Variants in CTNNA3 observed in about 807,000 individuals in gnomAD.
CTNNA3 encodes the protein catenin alpha-3.
CTNNA3 carries 76 observed loss-of-function variants against 95.7 expected under a neutral mutation model. The ratio of observed to expected loss-of-function variants is 0.79; its 90% confidence interval spans 0.66 to 0.96. The LOEUF is 0.96. CTNNA3 is among the 40% of genes least tolerant of loss of function. The probability of loss-of-function intolerance (pLI) is 0.00; values close to 1 mark genes in which losing one functional copy is unlikely to be tolerated. For synonymous variants in CTNNA3, 431 were observed against 374.4 expected (o/e 1.15, Z -1.74); for missense variants, 1,191 against 1,089.8 (o/e 1.09, Z -1.31).
chr10:66,736,438 C>T (rs1849144935), intron 9 of CTNNA3, among the ~76,000 whole-genome samples: 1 of 151,834 alleles, frequency 6.6e-6, no homozygotes, highest in African/African-American at 2.4e-5. Context: ...GGCAATCTGC[C>T]TGCCTCGGCC....
At position 67,559,557 on chromosome 10, in the gene CTNNA3, A is replaced by G. The variant is rs572449758; in HGVS notation, c.293-19888T>C. ...GATGGGGAAAAAACAGAGCAGAAAA[A>G]CTGGAAACTCTAAAAAGCACAGTGC... On this transcript the variant is annotated intron_variant, in intron 3 of 17. Coordinates refer to ENST00000433211, the MANE Select transcript of CTNNA3 (RefSeq NM_013266.4). Among the ~76,000 whole-genome samples, 5 of 152,230 alleles carry G rather than the reference A, an allele frequency of 3.3e-5. No individual in the cohort carries two copies. In the South Asian group the frequency reaches 8.3e-4, roughly 25 times the overall value.
intron 8 of CTNNA3, among the ~76,000 whole-genome samples, chr10:66,771,067 T>G (rs1226239469): frequency 6.6e-6 from 1 of 152,168 alleles, no homozygotes. Context: ...AGCCTACATA[T>G]TTTTTTCTGA....
chr10:67,376,796 A>G (rs1287042944), intron 5 of CTNNA3, among the ~76,000 whole-genome samples: 2 of 152,220 alleles, frequency 1.3e-5, no homozygotes, highest in African/African-American at 4.8e-5. Context: ...GAACTCTTGG[A>G]AAAGTAGTTT....
At chr10:66,348,312 T>C (rs2092540317) in intron 12 of CTNNA3, among the ~76,000 whole-genome samples, 1 of 152,178 alleles carries the variant, frequency 6.6e-6, no homozygotes, top group Admixed American at 6.5e-5. Flanking sequence ...TGCATTTTGC[T>C]ATCAACCCTA....
intron 7 of CTNNA3, among the ~76,000 whole-genome samples, chr10:66,959,371 A>G (rs1309551118): frequency 6.6e-6 from 1 of 152,184 alleles, no homozygotes; most frequent in African/African-American, 2.4e-5. Context: ...TTCAATCCTC[A>G]TGCCCAGTAA....
At chr10:66,532,938 C>T (rs567876620) in intron 10 of CTNNA3, among the ~76,000 whole-genome samples, 1 of 151,988 alleles carries the variant, frequency 6.6e-6, no homozygotes, top group African/African-American at 2.4e-5. Flanking sequence ...TATCCTTGAC[C>T]TAGTATTTTG....
chr10:66,960,742 C>G (rs994349653), intron 7 of CTNNA3, among the ~76,000 whole-genome samples: 1 of 152,050 alleles, frequency 6.6e-6, no homozygotes, highest in East Asian at 1.9e-4. Flanking sequence ...CAGAACAGAA[C>G]AGAATGGCAT....
chr10:66,384,880 T>C (rs1189197448), intron 11 of CTNNA3, among the ~76,000 whole-genome samples: 1 of 152,202 alleles, frequency 6.6e-6, no homozygotes, highest in Non-Finnish European at 1.5e-5. Context: ...AAAAAGATGT[T>C]ATTTGAAACC....
intron 5 of CTNNA3, among the ~76,000 whole-genome samples, chr10:67,362,836 A>G (rs1843040140): frequency 6.6e-6 from 1 of 152,056 alleles, no homozygotes; most frequent in Non-Finnish European, 1.5e-5. Flanking sequence ...CAGAGATGAT[A>G]TGATTCTATA....
At chr10:67,103,500 G>A (rs1463197842) in intron 7 of CTNNA3, among the ~76,000 whole-genome samples, 1 of 151,730 alleles carries the variant, frequency 6.6e-6, no homozygotes, top group Admixed American at 6.6e-5. Flanking sequence ...AGTAAATTAT[G>A]ATGTAGCAGG....
At chr10:67,659,087 C>A (rs1295038787) in intron 1 of CTNNA3, among the ~76,000 whole-genome samples, 2 of 151,366 alleles carry the variant, frequency 1.3e-5, no homozygotes, top group African/African-American at 4.9e-5. Flanking sequence ...CACATACAAC[C>A]AAAATGAAAG....
At chr10:67,020,019 T>C (rs1008224259) in intron 7 of CTNNA3, among the ~76,000 whole-genome samples, 1 of 151,926 alleles carries the variant, frequency 6.6e-6, no homozygotes, top group Non-Finnish European at 1.5e-5. Context: ...CAATATCAAC[T>C]GCTTTCCCTC....
intron 1 of CTNNA3, among the ~76,000 whole-genome samples, chr10:67,720,407 G>C (rs1338994889): frequency 6.6e-6 from 1 of 151,660 alleles, no homozygotes; most frequent in Admixed American, 6.6e-5. Flanking sequence ...TATGATGCTA[G>C]CTGGTTATTT....
intron 13 of CTNNA3, among the ~76,000 whole-genome samples, chr10:66,272,887 G>T (rs1165272377): frequency 1.3e-5 from 2 of 152,076 alleles, no homozygotes; most frequent in East Asian, 1.9e-4. Flanking sequence ...GAATCTGATT[G>T]CCATCAGTCC....
chr10:66,428,854 A>T (rs2093268605), intron 11 of CTNNA3, among the ~76,000 whole-genome samples: 1 of 152,028 alleles, frequency 6.6e-6, no homozygotes, highest in Admixed American at 6.6e-5. Context: ...CTAGAAAAGC[A>T]AGAGCAAACA....
chr10:66,834,122 T>G (rs906434345), intron 7 of CTNNA3, among the ~76,000 whole-genome samples: 1 of 152,208 alleles, frequency 6.6e-6, no homozygotes, highest in Non-Finnish European at 1.5e-5. Context: ...TTTTAAGGGC[T>G]GCAGCCAATC....
chr10:66,113,363 A>T (rs1423606195), intron 13 of CTNNA3, among the ~76,000 whole-genome samples: 3 of 152,200 alleles, frequency 2.0e-5, no homozygotes, highest in African/African-American at 4.8e-5. Flanking sequence ...CTCTACGAAT[A>T]AGCACACCTA....
intron 7 of CTNNA3, among the ~76,000 whole-genome samples, chr10:67,149,847 T>C (rs897308284): frequency 2.0e-5 from 3 of 152,240 alleles, no homozygotes; most frequent in African/African-American, 7.2e-5. Context: ...TGTAATACAC[T>C]ATCAATCAGC....
chr10:67,703,784 G>C (rs1328565746), intron 1 of CTNNA3, among the ~76,000 whole-genome samples: 2 of 152,150 alleles, frequency 1.3e-5, no homozygotes, highest in Non-Finnish European at 2.9e-5. Flanking sequence ...AGGGCAATCA[G>C]GCAGGAGAAG....
Sources: gnomAD v4.1 joint callset for allele counts (sites outside exome capture counted in the v4.1 genomes callset) on GRCh38, gnomAD v4.1.1 for gene constraint, MANE v1.5 for transcripts, NCBI Gene and HGNC (gene_info 2026-07-23, HGNC 2026-07-21) for gene names.